The following TNFSF4 variants were observed in gnomAD, a reference collection of about 807,000 sequenced individuals.
TNFSF4 encodes the protein tumor necrosis factor ligand superfamily member 4.
TNFSF4 carries 4 observed loss-of-function variants against 7.3 expected under a neutral mutation model. That is an observed-to-expected ratio of 0.55 (90% CI 0.27 to 1.25). The LOEUF is 1.25. Ranked by LOEUF, TNFSF4 falls within the 50% of genes most tolerant of loss-of-function variation. TNFSF4 has a pLI of 0.12. For missense variants in TNFSF4, 181 were observed against 208.8 expected (o/e 0.87, Z 0.82); for synonymous variants, 76 against 83.7 (o/e 0.91, Z 0.50).
chr1:173,406,955 G>A, the TNFSF4 span, among the ~76,000 whole-genome samples: 3 of 152,168 alleles, frequency 2.0e-5, no homozygotes, highest in South Asian at 2.1e-4. Flanking sequence ...TGAGCAGGGC[G>A]AGGAGGGGAA....
the TNFSF4 span, among the ~76,000 whole-genome samples, chr1:173,421,112 G>A: frequency 5.3e-5 from 8 of 151,846 alleles, no homozygotes; most frequent in Non-Finnish European, 7.4e-5. Context: ...GCCCCTGCCC[G>A]CATTTAGGGT....
At chr1:173,403,994 C>T in the TNFSF4 span, among the ~76,000 whole-genome samples, 1 of 151,914 alleles carries the variant, frequency 6.6e-6, no homozygotes, top group South Asian at 2.1e-4. Context: ...GAAATGATAC[C>T]GGCACAAAGA....
chr1:173,173,055 A>C, the TNFSF4 span, among the ~76,000 whole-genome samples: 1 of 152,238 alleles, frequency 6.6e-6, no homozygotes, highest in South Asian at 2.1e-4. Flanking sequence ...CTACTCCCTC[A>C]CTATCATGAG....
the TNFSF4 span, among the ~76,000 whole-genome samples, chr1:173,291,934 CCA>C: frequency 6.6e-6 from 1 of 151,532 alleles, no homozygotes; most frequent in East Asian, 1.9e-4. Flanking sequence ...CACAACCTCC[CCA>C]AGATTGAAAC....
intron 1 of TNFSF4, among the ~76,000 whole-genome samples, chr1:173,198,568 G>A (rs1571197472): frequency 1.3e-5 from 2 of 152,096 alleles, no homozygotes; most frequent in African/African-American, 2.4e-5. Flanking sequence ...GCAGTGAGCC[G>A]AGATCGTGCC....
chr1:173,188,624 C>T (rs1364540565), intron 1 of TNFSF4, 55 bp from the exon 2 acceptor site: 42 of 1,466,886 alleles, frequency 2.9e-5, no homozygotes, highest in Non-Finnish European at 3.7e-5. Context: ...AAATGAAATT[C>T]GCAAGTCATA....
At chr1:173,340,574 A>T in the TNFSF4 span, among the ~76,000 whole-genome samples, 5 of 151,818 alleles carry the variant, frequency 3.3e-5, no homozygotes, top group African/African-American at 4.8e-5. Flanking sequence ...CCCAGGGCAG[A>T]TAGATTTGTA....
At chr1:173,178,868 A>G (rs1219524704), downstream of TNFSF4, among the ~76,000 whole-genome samples, 5 of 152,198 alleles carry the variant, frequency 3.3e-5, no homozygotes, top group East Asian at 9.6e-4. Flanking sequence ...AAATGTAACC[A>G]TTTTTTATAA....
the TNFSF4 span, among the ~76,000 whole-genome samples, chr1:173,212,746 A>C: frequency 6.6e-6 from 1 of 152,118 alleles, no homozygotes; most frequent in East Asian, 1.9e-4. Flanking sequence ...CCCATTCTCC[A>C]TGATGGACTT....
At chr1:173,284,651 C>T in the TNFSF4 span, among the ~76,000 whole-genome samples, 1 of 152,140 alleles carries the variant, frequency 6.6e-6, no homozygotes, top group Non-Finnish European at 1.5e-5. Flanking sequence ...AGCCAATGCT[C>T]ATTTATCATT....
chr1:173,393,168 A>G, the TNFSF4 span, among the ~76,000 whole-genome samples: 1 of 152,238 alleles, frequency 6.6e-6, no homozygotes, highest in Non-Finnish European at 1.5e-5. Flanking sequence ...AAGGATACCC[A>G]GATGTGGGAG....
intron 1 of TNFSF4, among the ~76,000 whole-genome samples, chr1:173,206,661 T>C (rs1031193862): frequency 2.2e-4 from 34 of 152,204 alleles, no homozygotes; most frequent in Non-Finnish European, 4.1e-4. Context: ...CCTTTTAATA[T>C]TAATTGCCTG....
the TNFSF4 span, among the ~76,000 whole-genome samples, chr1:173,245,249 A>T: frequency 2.0e-5 from 3 of 152,158 alleles, no homozygotes; most frequent in Admixed American, 6.5e-5. Context: ...CAATAAAGAT[A>T]CTCATCTGTG....
the TNFSF4 span, among the ~76,000 whole-genome samples, chr1:173,407,703 G>GGTGTGTGTGTGTGTGTGT: frequency 2.4e-3 from 358 of 148,350 alleles, 2 homozygotes; most frequent in African/African-American, 7.7e-3. Context: ...GATGTAAATG[G>GGTGTGTGTGTGTGTGTGT]GTGTGTGTGT....
At chr1:173,398,995 C>T in the TNFSF4 span, among the ~76,000 whole-genome samples, 1 of 152,170 alleles carries the variant, frequency 6.6e-6, no homozygotes, top group Non-Finnish European at 1.5e-5. Context: ...TCCTACTGAG[C>T]CTTAGTCAAG....
At chr1:173,251,653 A>G in the TNFSF4 span, among the ~76,000 whole-genome samples, 27 of 152,294 alleles carry the variant, frequency 1.8e-4, no homozygotes, top group Middle Eastern at 3.4e-3. Flanking sequence ...TATTTTCCTT[A>G]TATGTACAAT....
At chr1:173,207,594 T>C (rs1329315783), upstream of TNFSF4, among the ~76,000 whole-genome samples, 2 of 152,162 alleles carry the variant, frequency 1.3e-5, no homozygotes, top group African/African-American at 2.4e-5. Flanking sequence ...TCATCATCCG[T>C]TAATGTAGCA....
At chr1:173,423,516 C>G in the TNFSF4 span, among the ~76,000 whole-genome samples, 1 of 152,136 alleles carries the variant, frequency 6.6e-6, no homozygotes, top group South Asian at 2.1e-4. Flanking sequence ...AACTGTCAGC[C>G]TGTGTGGATG....
downstream of TNFSF4, among the ~76,000 whole-genome samples, chr1:173,182,321 A>C (rs571919084): frequency 1.2e-4 from 19 of 152,358 alleles, no homozygotes; most frequent in South Asian, 8.3e-4. Flanking sequence ...ATCATGAACC[A>C]GGAGGAGGGA....
Sources: gnomAD v4.1 joint callset for allele counts (sites outside exome capture counted in the v4.1 genomes callset) on GRCh38, gnomAD v4.1.1 for gene constraint, MANE v1.5 for transcripts, NCBI Gene and HGNC (gene_info 2026-07-23, HGNC 2026-07-21) for gene names.